The following TOM1 variants were observed in gnomAD, a reference collection of about 807,000 sequenced individuals.
The protein encoded by TOM1 is target of myb1 membrane trafficking protein, also known as target of Myb protein 1.
TOM1 carries 38 observed loss-of-function variants against 61.3 expected under a neutral mutation model. That is an observed-to-expected ratio of 0.62 (90% confidence interval 0.48 to 0.81). The LOEUF is 0.81. Among genes scored for constraint, TOM1 ranks in the 40% least tolerant of loss-of-function variants. The probability of loss-of-function intolerance (pLI) is 0.00; values close to 1 mark genes in which losing one functional copy is unlikely to be tolerated. For synonymous variants in TOM1, 270 were observed against 268.8 expected, an observed-to-expected ratio of 1.00 and a Z score of -0.04; for missense variants, 591 against 659.6, an observed-to-expected ratio of 0.90 and a Z score of 1.14.
At chr22:35,344,921 C>T (rs1930378279) in intron 12 of TOM1, 1 of 152,282 alleles carries the variant, frequency 6.6e-6, no homozygotes, top group Admixed American at 6.5e-5. Context: ...AAATCAGGCG[C>T]AGAGAAGTTA....
intron 6 of TOM1, 80 bp from the exon 7 acceptor site, chr22:35,327,191 T>A: frequency 1.5e-6 from 2 of 1,350,250 alleles, no homozygotes; most frequent in Non-Finnish European, 2.1e-6. Flanking sequence ...CCAGGGTTGG[T>A]GGTACTGGGT....
At chr22:35,316,523 A>C (rs1927294409) in intron 1 of TOM1, among the ~76,000 whole-genome samples, 1 of 152,242 alleles carries the variant, frequency 6.6e-6, no homozygotes, top group African/African-American at 2.4e-5. Context: ...CCCACACTAC[A>C]GTTCACAAAA....
chr22:35,346,799 G>T (rs1317977114), intron 13 of TOM1, 131 bp from the exon 14 acceptor site: 11 of 827,898 alleles, frequency 1.3e-5, no homozygotes, highest in Non-Finnish European at 2.1e-5. Context: ...CCTGGGTGGT[G>T]GGGGCGTGCA....
intron 1 of TOM1, among the ~76,000 whole-genome samples, chr22:35,307,806 C>G (rs1044335684): frequency 6.6e-6 from 1 of 152,114 alleles, no homozygotes; most frequent in African/African-American, 2.4e-5. Flanking sequence ...ACAGAGGGGT[C>G]TACTGTTTGA....
rs946348573 is a variant in TOM1 at position 35,318,872 on chromosome 22, C to T, written c.137+911C>T. On this transcript the variant is annotated intron_variant, in intron 2 of 14. Transcript: ENST00000449058. ...TCACTGGGATCATCCAGCTCTCCCG[C>T]GGCCAGTGCAGGGTTCCTCTCAGCC... Among the ~76,000 whole-genome samples, 6 of 152,250 alleles carry T rather than the reference C, an allele frequency of 3.9e-5. No homozygotes were observed. In the East Asian group the frequency reaches 7.7e-4, roughly 20 times the overall value.
upstream of TOM1, chr22:35,299,609 T>G: frequency 8.2e-6 from 3 of 366,076 alleles, no homozygotes; most frequent in Non-Finnish European, 1.0e-5. Context: ...GTTTCCCAAA[T>G]GTGTAAAGGG....
intron 12 of TOM1, among the ~76,000 whole-genome samples, chr22:35,340,819 C>T (rs1168465911): frequency 6.6e-6 from 1 of 152,178 alleles, no homozygotes; most frequent in Non-Finnish European, 1.5e-5. Flanking sequence ...GCAAAGTCTT[C>T]GTGACCCCCA....
chr22:35,300,104 C>G (rs775747380), intron 1 of TOM1, 124 bp downstream of exon 1: 2 of 1,080,146 alleles, frequency 1.9e-6, no homozygotes, highest in African/African-American at 1.6e-5. Context: ...GTGTAGCTCT[C>G]CGACCTGGCT....
Position 35,347,387 on chromosome 22 carries a change from A to C in TOM1, c.*178A>C. On this transcript the variant is annotated 3_prime_UTR_variant, in exon 15 of 15. Coordinates refer to ENST00000449058, the MANE Select transcript of TOM1 (RefSeq NM_005488.3). The stretch of plus-strand genomic sequence containing the variant: ...CTGGGGGTGTGGAGGCAGTGGGATG[A>C]ACTGGGGGACAGGTCTGCGCTGCAG... The C allele has an allele frequency of 1.7e-6, 1 of 599,018 alleles. No individual in the cohort carries two copies. The highest frequency in any genetic ancestry group is 2.8e-6 in the Non-Finnish European group (1 of 358,146). 37.1% of individuals were successfully genotyped at this position (599,018 alleles called of 1,614,324 possible). A position where few individuals can be genotyped will look rare whatever the true frequency, so the allele number is the denominator to read the frequency against.
At chr22:35,316,853 T>G (rs1927337533) in intron 1 of TOM1, among the ~76,000 whole-genome samples, 1 of 152,188 alleles carries the variant, frequency 6.6e-6, no homozygotes, top group South Asian at 2.1e-4. Context: ...TGCTGATACC[T>G]TGCCGTGCTG....
chr22:35,314,826 C>A (rs2145632856), intron 1 of TOM1, among the ~76,000 whole-genome samples: 1 of 152,380 alleles, frequency 6.6e-6, no homozygotes, highest in African/African-American at 2.4e-5. Flanking sequence ...GCTGCCCCGC[C>A]CTTACCTCTG....
intron 1 of TOM1, among the ~76,000 whole-genome samples, chr22:35,312,011 T>A (rs947084475): frequency 3.3e-5 from 5 of 151,748 alleles, no homozygotes; most frequent in African/African-American, 1.2e-4. Flanking sequence ...TCCCAGCACT[T>A]TGGGAGGCCG....
chr22:35,331,992 A>G (rs1928880585), intron 8 of TOM1, among the ~76,000 whole-genome samples: 1 of 152,128 alleles, frequency 6.6e-6, no homozygotes, highest in African/African-American at 2.4e-5. Flanking sequence ...GGCATAAGTG[A>G]GAGTCCATGA....
chr22:35,327,441 A>T, intron 7 of TOM1, 54 bp downstream of exon 7: 1 of 1,254,702 alleles, frequency 8.0e-7, no homozygotes, highest in Non-Finnish European at 1.2e-6. Flanking sequence ...CCAGCTGCCC[A>T]CATGCATTCT....
At chr22:35,347,010 G>A in intron 14 of TOM1, 41 bp downstream of exon 14, 1 of 1,607,950 alleles carries the variant, frequency 6.2e-7, no homozygotes, top group Non-Finnish European at 8.5e-7. Flanking sequence ...CTTTCCCCAG[G>A]GCTCTGGCCT....
chr22:35,321,904 G>A (rs894940154), intron 2 of TOM1, 55 bp from the exon 3 acceptor site: 3 of 1,451,194 alleles, frequency 2.1e-6, no homozygotes, highest in Non-Finnish European at 2.9e-6. Context: ...AGGGTCTCTG[G>A]TGTTAGGTAA....
intron 11 of TOM1, among the ~76,000 whole-genome samples, chr22:35,336,192 G>T (rs1929318219): frequency 6.6e-6 from 1 of 152,156 alleles, no homozygotes. Flanking sequence ...CCCTCCCCAG[G>T]GCTTGGTTTC....
chr22:35,334,471 G>T, intron 11 of TOM1, 23 bp downstream of exon 11: 2 of 1,613,144 alleles, frequency 1.2e-6, no homozygotes, highest in Non-Finnish European at 1.7e-6. Context: ...GCCCTGCCCT[G>T]GTCCCCTGCA....
At chr22:35,317,682 A>T (rs903041910) in intron 1 of TOM1, among the ~76,000 whole-genome samples, 195 bp from the exon 2 acceptor site, 5 of 152,032 alleles carry the variant, frequency 3.3e-5, no homozygotes, top group African/African-American at 1.2e-4. Flanking sequence ...CTCAGTGGCT[A>T]CAAGAATCTA....
Sources: allele counts gnomAD v4.1 joint callset (sites outside exome capture counted in the v4.1 genomes callset), GRCh38; gene constraint gnomAD v4.1.1; transcripts MANE v1.5; gene names NCBI Gene and HGNC (gene_info 2026-07-23, HGNC 2026-07-21).